The following PCDHA2 variants were observed in gnomAD, a reference collection of about 807,000 sequenced individuals.
PCDHA2 encodes the protein protocadherin alpha-2.
In PCDHA2, 58 loss-of-function variants were observed where a neutral mutation model predicts 66.0. The ratio of observed to expected loss-of-function variants is 0.88; its 90% CI spans 0.71 to 1.09. The LOEUF is 1.09. Among genes scored for constraint, PCDHA2 ranks in the 50% least tolerant of loss-of-function variants. The pLI is 0.00. For missense variants in PCDHA2, 1,267 were observed against 1,242.3 expected (o/e 1.02, Z -0.30); for synonymous variants, 634 against 554.0 (o/e 1.14, Z -2.03).
chr5:140,850,112 C>T lies in PCDHA2; in HGVS notation c.2388+52760C>T, dbSNP rs2150468097. On this transcript the variant is annotated intron_variant, in intron 1 of 3. Coordinates refer to ENST00000526136, the MANE Select transcript of PCDHA2 (RefSeq NM_018905.3). ...TACAGTTCCAGGTGAGCGCGCGCGA[C>T]GCGGGCGTGCCGCCTCTGGGCAGCA... 91 of 1,595,906 alleles carry T rather than the reference C, an allele frequency of 5.7e-5. 9 individuals are homozygous for T. The highest frequency in any genetic ancestry group is 5.9e-5 in the Non-Finnish European group (69 of 1,167,846).
chr5:140,887,454 T>A (rs1234442880), intron 1 of PCDHA2, among the ~76,000 whole-genome samples: 5 of 152,178 alleles, frequency 3.3e-5, no homozygotes, highest in Non-Finnish European at 7.3e-5. Context: ...GACAGTTTTT[T>A]AAAAGATATA....
At chr5:140,805,551 T>C (rs1763590374) in intron 1 of PCDHA2, 2 of 980,576 alleles carry the variant, frequency 2.0e-6, no homozygotes, top group Non-Finnish European at 2.4e-6. Context: ...TTTATGGATA[T>C]AGGAGGCAAG....
rs75032728 is a variant in PCDHA2 at position 140,932,740 on chromosome 5, T to C, written c.2389-46209T>C. On this transcript the variant is annotated intron_variant, in intron 1 of 3. Coordinates refer to ENST00000526136, the MANE Select transcript of PCDHA2 (RefSeq NM_018905.3). The stretch of plus-strand genomic sequence containing the variant: ...ATATTGTATAATATAGACCCTCAAA[T>C]CAGTAAAAAGGAAAGAAAAAGAACA... 5.5e-3 allele frequency among the ~76,000 whole-genome samples: 829 copies of C among 151,670 alleles called. 4 individuals carry two copies. The highest frequency in any genetic ancestry group is 0.019 in the African/African-American group (798 of 41,410).
intron 1 of PCDHA2, chr5:140,861,415 G>T (rs1400394792): frequency 4.2e-6 from 2 of 475,856 alleles, no homozygotes; most frequent in Non-Finnish European, 8.6e-6. Context: ...CTGATACCGC[G>T]CCTGTTTCAG....
intron 1 of PCDHA2, among the ~76,000 whole-genome samples, chr5:140,800,378 C>T (rs557163392): frequency 1.3e-5 from 2 of 152,190 alleles, no homozygotes; most frequent in South Asian, 2.1e-4. Flanking sequence ...GAATTACAGA[C>T]ATTCTACAAA....
chr5:140,815,358 T>C (rs1447082855), intron 1 of PCDHA2: 3 of 152,110 alleles, frequency 2.0e-5, no homozygotes, highest in East Asian at 3.8e-4. Context: ...ATATCTTCCA[T>C]AGGTATTTTC....
In PCDHA2 at chr5:140,795,701, T is replaced by C. The variant is rs1562154576; in HGVS notation, c.737T>C (p.Val246Ala). ...NDNEPTFAQS[V>A]YKVKLLENTA... ...AATGAACCAACTTTTGCCCAATCAG[T>C]TTACAAAGTAAAATTGTTAGAGAAT... The change falls in exon 1 of 4, where the codon GTT becomes GCT. Residue 246 changes from valine (V) to alanine (A), a missense_variant. Physicochemically the swap from Val to Ala is moderately conservative, Grantham distance 64. Coordinates refer to ENST00000526136, the MANE Select transcript of PCDHA2 (RefSeq NM_018905.3). 2 of 1,614,032 alleles carry C rather than the reference T, an allele frequency of 1.2e-6. No homozygotes were observed. The highest frequency in any genetic ancestry group is 4.5e-5 in the East Asian group (2 of 44,886).
chr5:140,824,251 T>C (rs1283457501), intron 1 of PCDHA2: 2 of 1,394,460 alleles, frequency 1.4e-6, no homozygotes, highest in Non-Finnish European at 2.0e-6. Flanking sequence ...GGTACACAAT[T>C]ATTGCACTAA....
chr5:140,818,181 C>T (rs1183209623), intron 1 of PCDHA2, among the ~76,000 whole-genome samples: 2 of 152,214 alleles, frequency 1.3e-5, no homozygotes, highest in Admixed American at 6.5e-5. Context: ...TTATATTCTT[C>T]TGTGACTATA....
At chr5:140,851,008 T>C in intron 1 of PCDHA2, 2 of 1,437,046 alleles carry the variant, frequency 1.4e-6, no homozygotes, top group East Asian at 4.8e-5. Flanking sequence ...CAGCAGATTT[T>C]TTTTCTGATA....
intron 1 of PCDHA2, chr5:140,928,259 A>G: frequency 6.2e-7 from 1 of 1,614,218 alleles, no homozygotes; most frequent in Non-Finnish European, 8.5e-7. Context: ...TTCGTTGCTG[A>G]AAACAATGGC....
At chr5:140,805,039 C>A (rs370971814) in intron 1 of PCDHA2, 914 of 1,586,242 alleles carry the variant, frequency 5.8e-4, no homozygotes, top group Non-Finnish European at 7.5e-4. Flanking sequence ...ATAGAGTCAG[C>A]CAAAGTACTT....
chr5:140,927,136 G>A (rs2083883058), intron 1 of PCDHA2: 3 of 1,613,986 alleles, frequency 1.9e-6, no homozygotes, highest in African/African-American at 2.7e-5. Flanking sequence ...AGAGCCGGCG[G>A]ACCGCGAACA....
At chr5:140,988,828 A>C (rs1554250455) in intron 3 of PCDHA2, 1 of 152,170 alleles carries the variant, frequency 6.6e-6, no homozygotes, top group Non-Finnish European at 1.5e-5. Flanking sequence ...CCAAACAGAG[A>C]TCACGTGTCT....
chr5:140,976,486 G>C (rs782708902), intron 1 of PCDHA2, among the ~76,000 whole-genome samples: 1 of 152,078 alleles, frequency 6.6e-6, no homozygotes, highest in Non-Finnish European at 1.5e-5. Flanking sequence ...GGGAGGCAGA[G>C]GTTGCAGGGA....
intron 1 of PCDHA2, chr5:140,828,014 T>C: frequency 6.6e-7 from 1 of 1,509,628 alleles, no homozygotes; most frequent in Non-Finnish European, 8.9e-7. Context: ...AGAAATGGAT[T>C]AATAAATTCC....
rs1453798087 is a variant in PCDHA2 at position 140,849,691 on chromosome 5, C to T, written c.2388+52339C>T. Reference sequence around the variant, plus strand: ...CCCCACGTCCCCTTCAAGCTGGTGTCCACCTACAAGAATTACTACTCGTTG... The same window carrying T: ...CCCCACGTCCCCTTCAAGCTGGTGTTCACCTACAAGAATTACTACTCGTTG... On this transcript the variant is annotated intron_variant, in intron 1 of 3. Transcript: ENST00000526136. 1.3e-6 allele frequency: 2 copies of T among 1,598,536 alleles called. No individual in the cohort carries two copies. The highest frequency in any genetic ancestry group is 2.2e-5 in the South Asian group (2 of 90,552).
chr5:141,007,654 C>G (rs1461130528), intron 3 of PCDHA2, among the ~76,000 whole-genome samples: 1 of 152,052 alleles, frequency 6.6e-6, no homozygotes, highest in Non-Finnish European at 1.5e-5. Flanking sequence ...CCTAAAAAAC[C>G]ATAAATTTAC....
intron 1 of PCDHA2, among the ~76,000 whole-genome samples, chr5:140,799,002 A>G (rs1365174397): frequency 6.6e-6 from 1 of 152,210 alleles, no homozygotes; most frequent in East Asian, 1.9e-4. Flanking sequence ...GTAATACTTG[A>G]CCACTATGTT....
Sources: allele counts gnomAD v4.1 joint callset (sites outside exome capture counted in the v4.1 genomes callset), GRCh38; gene constraint gnomAD v4.1.1; transcripts MANE v1.5; gene names NCBI Gene and HGNC (gene_info 2026-07-23, HGNC 2026-07-21).